COP1: variants seen among roughly 807,000 people sequenced by gnomAD.
The protein encoded by COP1 is COP1 E3 ubiquitin ligase, also known as E3 ubiquitin-protein ligase COP1.
A neutral mutation model predicts 101.3 loss-of-function variants in COP1; 24 were observed. The observed-to-expected ratio is 0.24, with a 90% CI of 0.17 to 0.33. The LOEUF (loss-of-function observed/expected upper bound fraction) is 0.33, where lower values mean the gene tolerates loss of function less well. COP1 is among the 10% of genes least tolerant of loss of function. The pLI, the probability that COP1 is intolerant of heterozygous loss-of-function variation, is 1.00. For missense variants in COP1, 663 were observed against 906.2 expected, an observed-to-expected ratio of 0.73 and a Z score of 3.45; for synonymous variants, 347 against 341.9, an observed-to-expected ratio of 1.01 and a Z score of -0.17.
At chr1:176,017,228 T>C (rs890586430) in intron 15 of COP1, 12 of 152,212 alleles carry the variant, frequency 7.9e-5, no homozygotes, top group Non-Finnish European at 1.6e-4. Context: ...ACAATCAGTC[T>C]AGACTGTGTG....
rs548101887 is a variant in COP1 at position 176,071,804 on chromosome 1, C to T, written c.1277+9348G>A. Among the ~76,000 whole-genome samples, 20 of 152,286 alleles carry T rather than the reference C, an allele frequency of 1.3e-4. No individual in the cohort carries two copies. In the South Asian group the frequency reaches 4.1e-3, roughly 32 times the overall value. On this transcript the variant is annotated intron_variant, in intron 11 of 19. Transcript: ENST00000367669. ...AACACTGGTTTGTGACAAACCTTCA[C>T]AAGTCTACTAAAATTTTAAATGCTA... is the stretch of plus-strand genomic sequence containing the variant.
chr1:175,994,135 A>G (rs1659455290), intron 15 of COP1, among the ~76,000 whole-genome samples: 1 of 152,202 alleles, frequency 6.6e-6, no homozygotes, highest in African/African-American at 2.4e-5. Flanking sequence ...TTTCATATCC[A>G]GCCAAACTAA....
At chr1:176,141,879 C>G (rs544785266) in intron 6 of COP1, among the ~76,000 whole-genome samples, 2 of 152,016 alleles carry the variant, frequency 1.3e-5, no homozygotes, top group East Asian at 1.9e-4. Flanking sequence ...TACAGGCACA[C>G]GCCCCTATGC....
intron 9 of COP1, among the ~76,000 whole-genome samples, chr1:176,087,037 G>A (rs1355349995): frequency 6.6e-6 from 1 of 152,164 alleles, no homozygotes. Flanking sequence ...AAATGGTTCT[G>A]GGAAAACTGG....
chr1:176,201,814 T>A (rs1382546115), intron 1 of COP1, among the ~76,000 whole-genome samples: 1 of 152,236 alleles, frequency 6.6e-6, no homozygotes, highest in East Asian at 1.9e-4. Context: ...GTATGTTTCA[T>A]CATTGACATC....
chr1:176,111,327 C>A (rs1027917735), intron 9 of COP1, among the ~76,000 whole-genome samples: 6 of 152,006 alleles, frequency 3.9e-5, no homozygotes, highest in African/African-American at 1.4e-4. Flanking sequence ...TGGAGTCTCG[C>A]TCTGTTGCCA....
At chr1:176,081,110 G>C in intron 11 of COP1, 42 bp downstream of exon 11, 1 of 1,501,386 alleles carries the variant, frequency 6.7e-7, no homozygotes, top group East Asian at 2.3e-5. Flanking sequence ...TTAGATTCTA[G>C]ACATTCTTAC....
chr1:176,056,441 T>TA (rs397830336), intron 11 of COP1, among the ~76,000 whole-genome samples: 1 of 152,064 alleles, frequency 6.6e-6, no homozygotes, highest in Non-Finnish European at 1.5e-5. Context: ...AGGGATTTTT[T>TA]AATATATAAA....
intron 1 of COP1, among the ~76,000 whole-genome samples, chr1:176,196,913 G>GAGAA (rs1246675076): frequency 1.4e-5 from 2 of 142,024 alleles, no homozygotes; most frequent in Admixed American, 7.0e-5. Flanking sequence ...AAAGAAGAAA[G>GAGAA]AGAAAGAAAG....
At chr1:176,129,137 C>T (rs919680849) in intron 8 of COP1, among the ~76,000 whole-genome samples, 20 of 151,902 alleles carry the variant, frequency 1.3e-4, no homozygotes, top group African/African-American at 4.8e-4. Context: ...ATAAAATATA[C>T]AAATTCACAA....
At chr1:175,996,733 T>A (rs1420579923) in intron 15 of COP1, among the ~76,000 whole-genome samples, 1 of 152,112 alleles carries the variant, frequency 6.6e-6, no homozygotes, top group Non-Finnish European at 1.5e-5. Context: ...AAACCACTGC[T>A]CAGTGAAATA....
chr1:176,008,003 G>T (rs935049805), intron 15 of COP1, among the ~76,000 whole-genome samples: 1 of 152,176 alleles, frequency 6.6e-6, no homozygotes, highest in Non-Finnish European at 1.5e-5. Flanking sequence ...GAGACTCCGT[G>T]GGCGTAGGAC....
At chr1:176,063,339 C>T (rs1038034924) in intron 11 of COP1, among the ~76,000 whole-genome samples, 1 of 152,050 alleles carries the variant, frequency 6.6e-6, no homozygotes, top group Non-Finnish European at 1.5e-5. Flanking sequence ...GGATTACAGG[C>T]ATGAGCCACC....
chr1:176,073,648 A>G (rs573183227), intron 11 of COP1, among the ~76,000 whole-genome samples: 3 of 152,332 alleles, frequency 2.0e-5, no homozygotes, highest in African/African-American at 7.2e-5. Flanking sequence ...TCTACTTATG[A>G]GAGTGAACTT....
At position 176,000,635 on chromosome 1, in the gene COP1, T is replaced by A. The variant is rs528156708; in HGVS notation, c.1730-11156A>T. On this transcript the variant is annotated intron_variant, in intron 15 of 19. Coordinates refer to ENST00000367669, the MANE Select transcript of COP1 (RefSeq NM_022457.7). ...GCATGACTCTACAATGTAAATATTT[T>A]TAAAAAAATGAAATCCAAAACACAT... Among the ~76,000 whole-genome samples, 60 of 151,984 alleles carry A rather than the reference T, an allele frequency of 3.9e-4. No homozygotes were observed. In the Middle Eastern group the frequency reaches 0.01, roughly 26 times the overall value.
chr1:176,017,249 A>G (rs1211057603), intron 15 of COP1: 2 of 152,218 alleles, frequency 1.3e-5, no homozygotes, highest in Non-Finnish European at 2.9e-5. Context: ...CCAAAAAGCA[A>G]TAAGACATAA....
intron 9 of COP1, among the ~76,000 whole-genome samples, chr1:176,098,367 T>C (rs777095717): frequency 3.9e-5 from 6 of 152,206 alleles, no homozygotes; most frequent in African/African-American, 1.2e-4. Flanking sequence ...AATAAAAGAT[T>C]ATAAGAAGGT....
chr1:175,968,303 T>C, intron 18 of COP1: 1 of 321,590 alleles, frequency 3.1e-6, no homozygotes, highest in South Asian at 2.9e-5. Flanking sequence ...TAACTTTACT[T>C]GGTTGCCCAT....
intron 18 of COP1, among the ~76,000 whole-genome samples, chr1:175,973,277 C>T (rs989014405): frequency 6.6e-6 from 1 of 152,174 alleles, no homozygotes; most frequent in Non-Finnish European, 1.5e-5. Context: ...AATGGAAATA[C>T]ATTGAGAATT....
Sources: allele counts gnomAD v4.1 joint callset (sites outside exome capture counted in the v4.1 genomes callset), GRCh38; gene constraint gnomAD v4.1.1; transcripts MANE v1.5; gene names NCBI Gene and HGNC (gene_info 2026-07-23, HGNC 2026-07-21).